Variants in PBX1 observed in about 807,000 individuals in gnomAD.
The protein encoded by PBX1 is PBX homeobox 1, also known as pre-B-cell leukemia transcription factor 1.
Under a neutral mutation model 53.4 loss-of-function variants are expected in PBX1, and 6 were observed. The observed-to-expected ratio is 0.11, with a 90% confidence interval of 0.06 to 0.22. The LOEUF (loss-of-function observed/expected upper bound fraction) is 0.22, where lower values mean the gene tolerates loss of function less well. Among genes scored for constraint, PBX1 ranks in the 10% least tolerant of loss-of-function variants. The pLI, the probability that PBX1 is intolerant of heterozygous loss-of-function variation, is 1.00. For synonymous variants in PBX1, 204 were observed against 212.3 expected (o/e 0.96, Z 0.34); for missense variants, 251 against 551.4 (o/e 0.46, Z 5.46).
intron 2 of PBX1, among the ~76,000 whole-genome samples, chr1:164,723,819 G>T (rs1357927662): frequency 2.0e-5 from 3 of 152,168 alleles, no homozygotes; most frequent in African/African-American, 7.2e-5. Context: ...ATAAGCTGCC[G>T]AGTCAGAATC....
intron 2 of PBX1, among the ~76,000 whole-genome samples, chr1:164,764,025 C>T (rs538213658): frequency 3.9e-5 from 6 of 152,270 alleles, no homozygotes; most frequent in African/African-American, 1.2e-4. Context: ...GGTCAGGGAA[C>T]CTAAATGCCG....
rs187493317 is a variant in PBX1, at chr1:164,622,610, A to G, written c.265+59299A>G. ...AACTCCTTTGAATTCTCTACCCATC[A>G]TGTACTTGGCCACTTTCCTGAGCCA... On this transcript the variant is annotated intron_variant, in intron 2 of 8. Transcript: ENST00000420696. Among the ~76,000 whole-genome samples the G allele has an allele frequency of 2.2e-4, 33 of 152,188 alleles. No homozygotes were observed. The East Asian group carries it at 6.2e-3, about 29-fold the overall frequency.
intron 2 of PBX1, among the ~76,000 whole-genome samples, chr1:164,644,675 C>G (rs927973171): frequency 6.6e-6 from 1 of 151,976 alleles, no homozygotes; most frequent in Non-Finnish European, 1.5e-5. Context: ...CTGAAATAGA[C>G]TGTTTCAGGA....
intron 2 of PBX1, among the ~76,000 whole-genome samples, chr1:164,785,527 CA>C (rs1015424854): frequency 2.0e-5 from 3 of 152,156 alleles, no homozygotes; most frequent in Middle Eastern, 3.2e-3. Flanking sequence ...TGGATGCACA[CA>C]AATCTTCAGA....
intron 2 of PBX1, among the ~76,000 whole-genome samples, chr1:164,686,246 T>C (rs923854198): frequency 1.3e-5 from 2 of 152,230 alleles, no homozygotes; most frequent in Non-Finnish European, 2.9e-5. Flanking sequence ...AAGTGTTCGG[T>C]CACCTGGAAC....
intron 2 of PBX1, among the ~76,000 whole-genome samples, chr1:164,688,737 T>C (rs1434768281): frequency 6.6e-6 from 1 of 152,194 alleles, no homozygotes; most frequent in Admixed American, 6.5e-5. Context: ...TTCTAGGAGA[T>C]TTCAGAGCTT....
intron 2 of PBX1, among the ~76,000 whole-genome samples, chr1:164,624,547 A>C (rs534246572): frequency 6.6e-6 from 1 of 152,300 alleles, no homozygotes; most frequent in South Asian, 2.1e-4. Context: ...GGAGCCTTGA[A>C]GTTGTTAAAA....
At chr1:164,786,720 T>TGTGCGCACGCGCGC (rs1357886882) in intron 2 of PBX1, among the ~76,000 whole-genome samples, 2 of 116,256 alleles carry the variant, frequency 1.7e-5, no homozygotes, top group African/African-American at 6.9e-5. Context: ...TGTGTGTGTG[T>TGTGCGCACGCGCGC]GCGCGCGCAC....
At chr1:164,604,153 C>T (rs1369878842) in intron 2 of PBX1, among the ~76,000 whole-genome samples, 1 of 151,940 alleles carries the variant, frequency 6.6e-6, no homozygotes, top group Non-Finnish European at 1.5e-5. Flanking sequence ...GTTGTTCAGG[C>T]TAGTCTCGAA....
At chr1:164,781,965 T>G (rs1311952419) in intron 2 of PBX1, among the ~76,000 whole-genome samples, 1 of 152,260 alleles carries the variant, frequency 6.6e-6, no homozygotes, top group Non-Finnish European at 1.5e-5. Context: ...ATTTTTATCT[T>G]ATTTTTAGAA....
chr1:164,759,769 G>A (rs1029919267), intron 2 of PBX1, among the ~76,000 whole-genome samples: 34 of 152,284 alleles, frequency 2.2e-4, no homozygotes, highest in South Asian at 4.1e-4. Context: ...GTCAGGACAC[G>A]TAAGGAGTAC....
intron 8 of PBX1, among the ~76,000 whole-genome samples, chr1:164,836,385 T>A (rs1297517356): frequency 1.3e-5 from 2 of 151,992 alleles, no homozygotes; most frequent in Non-Finnish European, 2.9e-5. Context: ...AAGAAAAAAA[T>A]TAAAATTTCA....
chr1:164,686,877 A>C (rs1197166602), intron 2 of PBX1, among the ~76,000 whole-genome samples: 1 of 151,996 alleles, frequency 6.6e-6, no homozygotes, highest in Non-Finnish European at 1.5e-5. Flanking sequence ...GAATGTCGTG[A>C]ACCTGGGAGG....
intron 2 of PBX1, among the ~76,000 whole-genome samples, chr1:164,572,070 C>A (rs533218586): frequency 6.6e-6 from 1 of 151,164 alleles, no homozygotes; most frequent in East Asian, 2.0e-4. Flanking sequence ...CCACACCCAG[C>A]TGATTTTTGT....
At chr1:164,691,693 C>A (rs1016023390) in intron 2 of PBX1, among the ~76,000 whole-genome samples, 1 of 152,152 alleles carries the variant, frequency 6.6e-6, no homozygotes, top group Non-Finnish European at 1.5e-5. Flanking sequence ...TCTGAGATCA[C>A]CCAACTGATG....
intron 2 of PBX1, among the ~76,000 whole-genome samples, chr1:164,621,922 C>T (rs112510470): frequency 1.1e-4 from 17 of 151,988 alleles, no homozygotes; most frequent in African/African-American, 2.2e-4. Context: ...ACACTAAATA[C>T]GTTCTATAAA....
chr1:164,773,415 C>T (rs1667485378), intron 2 of PBX1, among the ~76,000 whole-genome samples: 1 of 152,180 alleles, frequency 6.6e-6, no homozygotes, highest in South Asian at 2.1e-4. Context: ...TGTGTACCAG[C>T]AATCAGACTG....
At chr1:164,680,827 C>T (rs148508756) in intron 2 of PBX1, 1 of 152,324 alleles carries the variant, frequency 6.6e-6, no homozygotes, top group African/African-American at 2.4e-5. Context: ...TTTACCTCTT[C>T]ATCTTCTCTT....
intron 2 of PBX1, among the ~76,000 whole-genome samples, chr1:164,864,432 C>T (rs895603341): frequency 2.6e-5 from 4 of 152,100 alleles, no homozygotes; most frequent in Admixed American, 6.5e-5. Flanking sequence ...TGAACTGTGG[C>T]GCTCCAGGCT....
Sources: allele counts gnomAD v4.1 joint callset (sites outside exome capture counted in the v4.1 genomes callset), GRCh38; gene constraint gnomAD v4.1.1; transcripts MANE v1.5; gene names NCBI Gene and HGNC (gene_info 2026-07-23, HGNC 2026-07-21).